ZDHHC21: variants seen among roughly 807,000 people sequenced by gnomAD.
ZDHHC21 encodes zDHHC palmitoyltransferase 21.
Under a neutral mutation model 34.6 loss-of-function variants are expected in ZDHHC21, and 15 were observed. That is an observed-to-expected ratio of 0.43 (90% CI 0.29 to 0.67). The LOEUF (loss-of-function observed/expected upper bound fraction) is 0.67, where lower values mean the gene tolerates loss of function less well. Among genes scored for constraint, ZDHHC21 ranks in the 30% least tolerant of loss-of-function variants. ZDHHC21 has a pLI of 0.14. For missense variants in ZDHHC21, 344 were observed against 327.7 expected, an observed-to-expected ratio of 1.05 and a Z score of -0.38; for synonymous variants, 142 against 101.8, an observed-to-expected ratio of 1.40 and a Z score of -2.38.
chr9:14,679,038 A>G (rs1372621680), intron 3 of ZDHHC21, among the ~76,000 whole-genome samples: 2 of 152,116 alleles, frequency 1.3e-5, no homozygotes. Context: ...CTGTGGTGCT[A>G]ACAAGCATGT....
At chr9:14,665,613 C>G (rs1385337310) in intron 5 of ZDHHC21, among the ~76,000 whole-genome samples, 2 of 144,034 alleles carry the variant, frequency 1.4e-5, no homozygotes, top group East Asian at 4.2e-4. Context: ...GTCGGGTTAC[C>G]CTCAAAGGGA....
rs1444271820 is a variant in ZDHHC21, at chr9:14,683,405, G to C, written c.-175-3243C>G. On this transcript the variant is annotated intron_variant, in intron 2 of 9. Coordinates refer to ENST00000380916, the MANE Select transcript of ZDHHC21 (RefSeq NM_178566.6). ...CCCACAGAAATACAAACTACCATCA[G>C]AGAATACTATAAACACCTCTATGCA... Among the ~76,000 whole-genome samples, 7 of 152,096 alleles carry C rather than the reference G, an allele frequency of 4.6e-5. No homozygotes were observed. The East Asian group carries it at 1.3e-3, about 29-fold the overall frequency.
At chr9:14,598,883 G>A in the ZDHHC21 span, among the ~76,000 whole-genome samples, 1 of 151,996 alleles carries the variant, frequency 6.6e-6, no homozygotes, top group Non-Finnish European at 1.5e-5. Flanking sequence ...AGTCTCCCAA[G>A]TAGCTGGGAC....
intron 3 of ZDHHC21, among the ~76,000 whole-genome samples, chr9:14,677,947 T>G (rs909753781): frequency 1.3e-5 from 2 of 152,084 alleles, no homozygotes; most frequent in Non-Finnish European, 2.9e-5. Context: ...GCCAAAATAA[T>G]TACCAAGAAA....
At chr9:14,679,909 A>C (rs1001070026) in intron 3 of ZDHHC21, 124 bp downstream of exon 3, 1 of 152,302 alleles carries the variant, frequency 6.6e-6, no homozygotes, top group Non-Finnish European at 1.5e-5. Context: ...AAAAACTTTT[A>C]AATAAACATA....
At chr9:14,671,415 C>T (rs11793546) in intron 5 of ZDHHC21, among the ~76,000 whole-genome samples, 14,861 of 151,932 alleles carry the variant, frequency 0.098, 938 homozygotes, top group Non-Finnish European at 0.15. Flanking sequence ...ACAGAGATTC[C>T]CTAACAAGAA....
chr9:14,661,390 T>C (rs1027638081), intron 6 of ZDHHC21, among the ~76,000 whole-genome samples: 1 of 152,226 alleles, frequency 6.6e-6, no homozygotes. Flanking sequence ...AGGCTCATTA[T>C]GTAAATTTGC....
At chr9:14,658,966 A>T in intron 6 of ZDHHC21, 79 bp from the exon 7 acceptor site, 1 of 1,406,690 alleles carries the variant, frequency 7.1e-7, no homozygotes, top group Non-Finnish European at 9.7e-7. Context: ...CTAAATTAAA[A>T]ACAAATAATA....
At chr9:14,659,020 A>G in intron 6 of ZDHHC21, 133 bp from the exon 7 acceptor site, 2 of 832,674 alleles carry the variant, frequency 2.4e-6, no homozygotes, top group Non-Finnish European at 3.7e-6. Context: ...GGCCACTTGA[A>G]GGTAAAAACA....
chr9:14,642,056 G>T (rs1233469256), intron 7 of ZDHHC21, among the ~76,000 whole-genome samples: 1 of 151,920 alleles, frequency 6.6e-6, no homozygotes, highest in Non-Finnish European at 1.5e-5. Flanking sequence ...ATAATTTTTG[G>T]CCAACTACAA....
chr9:14,617,593 A>G lies in ZDHHC21; in HGVS notation c.*1373T>C, dbSNP rs1824459735. Reference sequence around the variant, plus strand: ...TCTCTTCAAGGGAAAGACTGTGAGTACATAAATTTTTTAAAAAGATATATG... The same window carrying G: ...TCTCTTCAAGGGAAAGACTGTGAGTGCATAAATTTTTTAAAAAGATATATG... On this transcript the variant is annotated 3_prime_UTR_variant, in exon 10 of 10. Transcript: ENST00000380916. 1 of 152,022 alleles carries G rather than the reference A, an allele frequency of 6.6e-6. No individual in the cohort carries two copies. Among genetic ancestry groups the G allele is most frequent in the Admixed American group, 6.6e-5 (1 of 15,218 alleles). 9.4% of individuals were successfully genotyped at this position (152,022 alleles called of 1,614,324 possible). A position where few individuals can be genotyped will look rare whatever the true frequency, so the allele number is the denominator to read the frequency against.
At chr9:14,685,600 C>T (rs574177491) in intron 2 of ZDHHC21, among the ~76,000 whole-genome samples, 21 of 152,306 alleles carry the variant, frequency 1.4e-4, no homozygotes, top group South Asian at 4.2e-4. Context: ...TTTTACACTG[C>T]TGGTGGGACT....
At chr9:14,660,252 G>C (rs950719852) in intron 6 of ZDHHC21, among the ~76,000 whole-genome samples, 2 of 151,502 alleles carry the variant, frequency 1.3e-5, no homozygotes, top group African/African-American at 4.9e-5. Flanking sequence ...TGTAATCCCA[G>C]CTACTCGGGA....
intron 8 of ZDHHC21, among the ~76,000 whole-genome samples, chr9:14,631,228 A>G (rs1306540331): frequency 6.6e-6 from 1 of 152,230 alleles, no homozygotes; most frequent in Non-Finnish European, 1.5e-5. Flanking sequence ...CTTCTACATC[A>G]GCACTTGCTG....
At chr9:14,674,570 C>A (rs889113825) in intron 3 of ZDHHC21, among the ~76,000 whole-genome samples, 185 bp from the exon 4 acceptor site, 1 of 151,832 alleles carries the variant, frequency 6.6e-6, no homozygotes, top group African/African-American at 2.4e-5. Flanking sequence ...CTTGGGAAAA[C>A]AAACAGAAGT....
rs1824435844 is a variant in ZDHHC21, at chr9:14,617,504, A to C, written c.*1462T>G. On this transcript the variant is annotated 3_prime_UTR_variant, in exon 10 of 10. Transcript: ENST00000380916. ...AATTATTTCCCAGGTATTGTTCCTT[A>C]CTTTCAAAACTAGCTAAAAGGAAAA... 6.6e-6 allele frequency: 1 copy of C among 151,990 alleles called. No individual in the cohort carries two copies. Among genetic ancestry groups the C allele is most frequent in the Non-Finnish European group, 1.5e-5 (1 of 67,910 alleles). The allele number at this position is 151,990 out of a possible 1,614,324, so 9.4% of individuals were successfully genotyped here.
chr9:14,672,776 A>G, intron 5 of ZDHHC21, 54 bp downstream of exon 5: 1 of 1,216,654 alleles, frequency 8.2e-7, no homozygotes, highest in Admixed American at 2.0e-5. Flanking sequence ...AAAATATGTA[A>G]ATAAAGACAG....
intron 8 of ZDHHC21, among the ~76,000 whole-genome samples, chr9:14,628,067 C>T (rs1826624007): frequency 6.6e-6 from 1 of 152,066 alleles, no homozygotes; most frequent in African/African-American, 2.4e-5. Flanking sequence ...TAAAAACGCA[C>T]AAAAACGTAT....
chr9:14,590,866 T>A, the ZDHHC21 span, among the ~76,000 whole-genome samples: 6 of 152,272 alleles, frequency 3.9e-5, no homozygotes, highest in African/African-American at 1.2e-4. Context: ...TTCCTACTTT[T>A]AAATTTTTTA....
Sources: gnomAD v4.1 joint callset for allele counts (sites outside exome capture counted in the v4.1 genomes callset) on GRCh38, gnomAD v4.1.1 for gene constraint, MANE v1.5 for transcripts, NCBI Gene and HGNC (gene_info 2026-07-23, HGNC 2026-07-21) for gene names.